Variants in TICAM1 observed in about 807,000 individuals in gnomAD.
TICAM1 encodes the protein TIR domain containing adaptor molecule 1, also known as TIR domain-containing adapter molecule 1.
For missense variants in TICAM1, 895 were observed against 938.2 expected, an observed-to-expected ratio of 0.95 and a Z score of 0.60; for synonymous variants, 439 against 415.4, an observed-to-expected ratio of 1.06 and a Z score of -0.69.
At position 4,817,799 on chromosome 19, in the gene TICAM1, G is replaced by T; in HGVS notation, c.579C>A (p.Ser193=). ...AGGCAGGGCTGCCAGTGGATCGCAG[G>T]GAGCACCCTTGGCTCCAGTCCGAAA... The part of the protein sequence containing the change: ...DGVSDWSQGC[S]LRSTGSPASL... Residue 193 remains serine (S), a synonymous_variant, in exon 2 of 2, where the codon TCC becomes TCA. Transcript: ENST00000248244. The surrounding 1 kb of genome is among the most constrained non-coding windows in gnomAD (Gnocchi z 4.7). The T allele has an allele frequency of 6.3e-7, 1 of 1,599,066 alleles. No individual in the cohort carries two copies. The highest frequency in any genetic ancestry group is 8.5e-7 in the Non-Finnish European group (1 of 1,175,170).
In TICAM1 at chr19:4,831,643, T is replaced by TGGGTCCTG. The variant is rs915978026; in HGVS notation, c.-177_-170dup. ...GATCCGGGGCTGCCGGCTGCGCCAC[T>TGGGTCCTG]GGGTCCTGGGGTCCTGGGGGCTGGG... is the stretch of plus-strand genomic sequence containing the variant. On this transcript the variant is annotated 5_prime_UTR_variant, in exon 1 of 2. Coordinates refer to ENST00000248244, the MANE Select transcript of TICAM1 (RefSeq NM_182919.4). 4 of 152,482 alleles carry TGGGTCCTG rather than the reference T, an allele frequency of 2.6e-5. No individual in the cohort carries two copies. The highest frequency in any genetic ancestry group is 1.9e-4 in the East Asian group (1 of 5,178). The allele number at this position is 152,482 out of a possible 1,614,324, so 9.4% of individuals were successfully genotyped here. A position where few individuals can be genotyped will look rare whatever the true frequency, so the allele number is the denominator to read the frequency against.
At chr19:4,831,103 T>G (rs1340272532) in intron 1 of TICAM1, among the ~76,000 whole-genome samples, 1 of 148,108 alleles carries the variant, frequency 6.8e-6, no homozygotes, top group Non-Finnish European at 1.5e-5. Context: ...GGAGGGATCC[T>G]GGGTGTTGGG....
chr19:4,825,791 C>G (rs527984796), intron 1 of TICAM1, among the ~76,000 whole-genome samples: 1 of 151,898 alleles, frequency 6.6e-6, no homozygotes, highest in African/African-American at 2.4e-5. Flanking sequence ...AACCCTGTCT[C>G]TACTAAAAAT....
intron 1 of TICAM1, among the ~76,000 whole-genome samples, chr19:4,825,815 A>G (rs2093604604): frequency 6.6e-6 from 1 of 151,764 alleles, no homozygotes; most frequent in South Asian, 2.1e-4. Context: ...AAATATTAGC[A>G]GGGCATGGTG....
intron 1 of TICAM1, among the ~76,000 whole-genome samples, chr19:4,831,337 G>A (rs1301246366): frequency 6.6e-6 from 1 of 151,754 alleles, no homozygotes; most frequent in East Asian, 1.9e-4. Flanking sequence ...AGGAATCTGG[G>A]GTTTGGGGGA....
At chr19:4,825,266 C>T (rs1319058669) in intron 1 of TICAM1, among the ~76,000 whole-genome samples, 2 of 151,958 alleles carry the variant, frequency 1.3e-5, no homozygotes, top group African/African-American at 2.4e-5. Flanking sequence ...GGCGACAGAG[C>T]GAGACTCTGT....
Position 4,818,472 on chromosome 19 carries a change from T to C in TICAM1, c.-95A>G, listed in dbSNP as rs906577645. 2 of 1,457,976 alleles carry C rather than the reference T, an allele frequency of 1.4e-6. No homozygotes were observed. The highest frequency in any genetic ancestry group is 2.8e-5 in the Admixed American group (1 of 35,582). The allele number at this position is 1,457,976 out of a possible 1,614,324, so 90.3% of individuals were successfully genotyped here. A position where few individuals can be genotyped will look rare whatever the true frequency, so the allele number is the denominator to read the frequency against. ...CGCCTTCTGCACGCCCAGTGTCCCCTACCCATTCACTGTTCCAGGTTCTGC... is the reference window on the plus strand; with the variant it reads ...CGCCTTCTGCACGCCCAGTGTCCCCCACCCATTCACTGTTCCAGGTTCTGC... On this transcript the variant is annotated 5_prime_UTR_variant, in exon 2 of 2. Coordinates refer to ENST00000248244, the MANE Select transcript of TICAM1 (RefSeq NM_182919.4). The surrounding 1 kb of genome is among the most constrained non-coding windows in gnomAD (Gnocchi z 4.0).
At position 4,817,366 on chromosome 19, in the gene TICAM1, C is replaced by T; in HGVS notation, c.1012G>A (p.Val338Ile). ...VKDQTPLQLS[V>I]EDTTSPNTKP... The stretch of plus-strand genomic sequence containing the variant: ...GTATTTGGAGAGGTGGTATCTTCTA[C>T]AGAAAGTTGGAGTGGCGTCTGGTCT... The change falls in exon 2 of 2, where the codon GTA (valine) becomes ATA (isoleucine). Residue 338 changes from valine to isoleucine, a missense_variant. By Grantham distance (29) the Val-to-Ile change is conservative. Transcript: ENST00000248244. This position sits in a 1 kb window ranked among gnomAD's most constrained non-coding sequence, Gnocchi z 4.7. 6.2e-7 allele frequency: 1 copy of T among 1,613,882 alleles called. No homozygotes were observed. The highest frequency in any genetic ancestry group is 8.5e-7 in the Non-Finnish European group (1 of 1,180,020).
chr19:4,825,222 G>A (rs1283636727), intron 1 of TICAM1, among the ~76,000 whole-genome samples: 1 of 152,030 alleles, frequency 6.6e-6, no homozygotes, highest in Non-Finnish European at 1.5e-5. Flanking sequence ...AGAGGTTGCA[G>A]TGAACTGAAA....
intron 1 of TICAM1, among the ~76,000 whole-genome samples, chr19:4,824,459 T>C (rs1171988327): frequency 2.0e-5 from 3 of 150,694 alleles, no homozygotes; most frequent in African/African-American, 4.9e-5. Context: ...CTCAGCCTCC[T>C]GAGTAGCTGG....
At chr19:4,819,601 G>A (rs1010558774) in intron 1 of TICAM1, among the ~76,000 whole-genome samples, 20 of 152,242 alleles carry the variant, frequency 1.3e-4, no homozygotes, top group South Asian at 8.3e-4. Flanking sequence ...GGCTGAGCAC[G>A]GTGGCTCACA....
chr19:4,820,623 G>C lies in TICAM1; in HGVS notation c.-139-2107C>G, dbSNP rs571964911. Among the ~76,000 whole-genome samples, 15 of 151,970 alleles carry C rather than the reference G, an allele frequency of 9.9e-5. No individual in the cohort carries two copies. In the East Asian group the frequency reaches 1.9e-3, roughly 20 times the overall value. ...CTCATGCCTGTAATCCCAGTGCTTT[G>C]GGAGGCTGAGGCAGGTGGATCACAA... On this transcript the variant is annotated intron_variant, in intron 1 of 1. Transcript: ENST00000248244.
chr19:4,818,519 G>A lies in TICAM1; in HGVS notation c.-139-3C>T. 7.0e-7 allele frequency: 1 copy of A among 1,418,862 alleles called. No individual in the cohort carries two copies. Among genetic ancestry groups the A allele is most frequent in the Non-Finnish European group, 9.2e-7 (1 of 1,081,490 alleles). 87.9% of individuals were successfully genotyped at this position (1,418,862 alleles called of 1,614,324 possible). Reference sequence around the variant, plus strand: ...CTGCAGGAGCTGCCCAAGCAGATCTGTAGGAAACAGGAGAAGCAAACACAC... The same window carrying A: ...CTGCAGGAGCTGCCCAAGCAGATCTATAGGAAACAGGAGAAGCAAACACAC... On this transcript the variant is annotated splice_region_variant and splice_polypyrimidine_tract_variant and intron_variant, in intron 1 of 1. Coordinates refer to ENST00000248244, the MANE Select transcript of TICAM1 (RefSeq NM_182919.4). The surrounding 1 kb of genome is among the most constrained non-coding windows in gnomAD (Gnocchi z 4.0).
At chr19:4,823,283 G>A (rs999646016) in intron 1 of TICAM1, among the ~76,000 whole-genome samples, 1 of 152,094 alleles carries the variant, frequency 6.6e-6, no homozygotes, top group Non-Finnish European at 1.5e-5. Flanking sequence ...TGGCTAACAT[G>A]GCGAAACTCC....
At chr19:4,828,702 CTT>C (rs10706023) in intron 1 of TICAM1, among the ~76,000 whole-genome samples, 3,278 of 124,592 alleles carry the variant, frequency 0.026, 48 homozygotes, top group African/African-American at 0.051. Context: ...CCCAGATAAT[CTT>C]TTTTTTTTTT....
Position 4,816,987 on chromosome 19 carries a change from A to G in TICAM1, c.1391T>C (p.Leu464Pro). ...LLLTSNFDCR[L>P]SLHQVNQAMM... ...GGCTTGGTTCACCTGGTGCAGGCTC[A>G]GGCGACAGTCGAAGTTGGAGGTGAG... Residue 464 changes from leucine (L) to proline (P), a missense_variant, in exon 2 of 2, where the codon CTG (leucine) becomes CCG (proline). By Grantham distance (98) the Leu-to-Pro change is moderately conservative (BLOSUM62 -3). Transcript: ENST00000248244. This position sits in a 1 kb window ranked among gnomAD's most constrained non-coding sequence, Gnocchi z 4.3. 6.2e-7 allele frequency: 1 copy of G among 1,614,116 alleles called. No homozygotes were observed. The highest frequency in any genetic ancestry group is 8.5e-7 in the Non-Finnish European group (1 of 1,180,022).
At chr19:4,820,126 A>G (rs910486179) in intron 1 of TICAM1, among the ~76,000 whole-genome samples, 8 of 151,950 alleles carry the variant, frequency 5.3e-5, no homozygotes, top group African/African-American at 1.9e-4. Context: ...TTGTGAGTTT[A>G]AAAAAAAGTT....
chr19:4,829,011 T>A (rs1284184201), intron 1 of TICAM1, among the ~76,000 whole-genome samples: 1 of 152,096 alleles, frequency 6.6e-6, no homozygotes, highest in Non-Finnish European at 1.5e-5. Flanking sequence ...GTTTTTGTAA[T>A]TTTAGTAGAG....
chr19:4,823,464 TAAA>T (rs796260133), intron 1 of TICAM1, among the ~76,000 whole-genome samples: 5 of 93,752 alleles, frequency 5.3e-5, no homozygotes, highest in Non-Finnish European at 6.4e-5. Context: ...GACTCTGTCT[TAAA>T]AAAAAAAAAA....
Sources: allele counts gnomAD v4.1 joint callset (sites outside exome capture counted in the v4.1 genomes callset), GRCh38; gene constraint gnomAD v4.1.1; non-coding constraint Gnocchi (gnomAD v3.1); transcripts MANE v1.5; gene names NCBI Gene and HGNC (gene_info 2026-07-23, HGNC 2026-07-21).